SLC2A13: variants seen among roughly 807,000 people sequenced by gnomAD.
The protein encoded by SLC2A13 is solute carrier family 2 member 13.
In SLC2A13, 32 loss-of-function variants were observed where a neutral mutation model predicts 64.4. The observed-to-expected ratio is 0.50, with a 90% CI of 0.37 to 0.67. The LOEUF is 0.67. Ranked by LOEUF, SLC2A13 falls within the 30% of genes least tolerant of loss-of-function variation. The pLI is 0.00. For synonymous variants in SLC2A13, 338 were observed against 327.1 expected, an observed-to-expected ratio of 1.03 and a Z score of -0.36; for missense variants, 743 against 829.2, an observed-to-expected ratio of 0.90 and a Z score of 1.28.
At chr12:39,939,774 A>AT (rs1167225375) in intron 4 of SLC2A13, among the ~76,000 whole-genome samples, 1 of 152,164 alleles carries the variant, frequency 6.6e-6, no homozygotes, top group Non-Finnish European at 1.5e-5. Context: ...GGCCAAAACT[A>AT]TTTTTCTACA....
At position 40,072,716 on chromosome 12, in the gene SLC2A13, C is replaced by T. The variant is rs537972165; in HGVS notation, c.557-24506G>A. ...CCTATTTTCTTTTGATTAATGTTAG[C>T]ATGGCATATCTTTCCCATGCTTTTA... On this transcript the variant is annotated intron_variant, in intron 1 of 9. Coordinates refer to ENST00000280871, the MANE Select transcript of SLC2A13 (RefSeq NM_052885.4). 6.0e-4 allele frequency among the ~76,000 whole-genome samples: 91 copies of T among 152,152 alleles called. 1 individual carries two copies. The highest frequency in any genetic ancestry group is 2.0e-3 in the African/African-American group (85 of 41,542).
intron 6 of SLC2A13, among the ~76,000 whole-genome samples, chr12:39,854,006 T>C (rs1943537567): frequency 6.6e-6 from 1 of 152,070 alleles, no homozygotes; most frequent in Non-Finnish European, 1.5e-5. Context: ...AGCCCTTCAA[T>C]ATGAGGGGCT....
intron 6 of SLC2A13, among the ~76,000 whole-genome samples, chr12:39,839,018 T>C (rs1943105627): frequency 6.6e-6 from 1 of 152,102 alleles, no homozygotes; most frequent in Non-Finnish European, 1.5e-5. Context: ...CTGCAGGTAA[T>C]TGTGCTCACT....
chr12:40,102,016 G>A (rs1356795045), intron 1 of SLC2A13, among the ~76,000 whole-genome samples: 1 of 152,106 alleles, frequency 6.6e-6, no homozygotes, highest in Non-Finnish European at 1.5e-5. Flanking sequence ...TACATCATCT[G>A]CTGAACACCT....
intron 1 of SLC2A13, among the ~76,000 whole-genome samples, chr12:40,058,842 T>G (rs1426852890): frequency 6.6e-6 from 1 of 152,228 alleles, no homozygotes; most frequent in African/African-American, 2.4e-5. Flanking sequence ...CTACATTATA[T>G]GACAAACACT....
chr12:39,820,717 T>TTATATA (rs11272834), intron 7 of SLC2A13, among the ~76,000 whole-genome samples: 67 of 132,662 alleles, frequency 5.1e-4, no homozygotes, highest in South Asian at 8.0e-4. Context: ...ATTTTTAAAT[T>TTATATA]TATATATATA....
chr12:40,045,797 T>G (rs1948162162), intron 2 of SLC2A13, among the ~76,000 whole-genome samples: 1 of 152,200 alleles, frequency 6.6e-6, no homozygotes, highest in South Asian at 2.1e-4. Context: ...AATATATGTC[T>G]CCAGCTTCAG....
chr12:40,079,610 C>A (rs1938316391), intron 1 of SLC2A13, among the ~76,000 whole-genome samples: 1 of 152,134 alleles, frequency 6.6e-6, no homozygotes, highest in Admixed American at 6.5e-5. Context: ...GTATAGATGT[C>A]TTTTAGATCC....
chr12:39,831,198 A>C (rs1471857466), intron 6 of SLC2A13, among the ~76,000 whole-genome samples: 1 of 152,176 alleles, frequency 6.6e-6, no homozygotes, highest in Non-Finnish European at 1.5e-5. Context: ...GAACAACGAC[A>C]ATGTAATGGA....
intron 1 of SLC2A13, among the ~76,000 whole-genome samples, chr12:40,058,217 G>T (rs900574969): frequency 6.6e-6 from 1 of 151,980 alleles, no homozygotes; most frequent in African/African-American, 2.4e-5. Flanking sequence ...CAGGGTCTTC[G>T]ATGATAATCC....
At chr12:40,031,642 A>T (rs1029477204) in intron 2 of SLC2A13, among the ~76,000 whole-genome samples, 1 of 152,234 alleles carries the variant, frequency 6.6e-6, no homozygotes, top group African/African-American at 2.4e-5. Context: ...CACCTCCCTG[A>T]ACTCCTAACC....
chr12:39,924,528 C>A (rs531413282), intron 4 of SLC2A13, among the ~76,000 whole-genome samples: 2 of 147,474 alleles, frequency 1.4e-5, no homozygotes, highest in East Asian at 4.0e-4. Context: ...ACTAGCTTAT[C>A]TAAAATAGAC....
chr12:39,870,742 A>G (rs1243770112), intron 5 of SLC2A13, among the ~76,000 whole-genome samples: 1 of 152,160 alleles, frequency 6.6e-6, no homozygotes, highest in African/African-American at 2.4e-5. Flanking sequence ...ACTGCAGTTC[A>G]GCACACATTA....
chr12:39,922,735 CTT>C (rs760077229), intron 4 of SLC2A13, among the ~76,000 whole-genome samples: 1 of 152,066 alleles, frequency 6.6e-6, no homozygotes, highest in South Asian at 2.1e-4. Flanking sequence ...CATTGCCAAA[CTT>C]TTTTCTCTAG....
At chr12:39,871,465 T>C (rs1397897612) in intron 5 of SLC2A13, among the ~76,000 whole-genome samples, 3 of 146,270 alleles carry the variant, frequency 2.1e-5, no homozygotes, top group African/African-American at 7.7e-5. Context: ...CCAAAGTTTT[T>C]AGTTTTTCAA....
At chr12:40,040,617 C>T (rs1024580756) in intron 2 of SLC2A13, among the ~76,000 whole-genome samples, 9 of 152,156 alleles carry the variant, frequency 5.9e-5, no homozygotes, top group African/African-American at 2.2e-4. Flanking sequence ...GTCTCGAACT[C>T]CTGACCTCAG....
At chr12:39,805,597 C>G (rs983390362) in intron 7 of SLC2A13, among the ~76,000 whole-genome samples, 4 of 151,902 alleles carry the variant, frequency 2.6e-5, no homozygotes, top group African/African-American at 9.7e-5. Flanking sequence ...TTAAAACATG[C>G]TACAGTATTT....
intron 3 of SLC2A13, among the ~76,000 whole-genome samples, chr12:39,994,161 G>T (rs1258787435): frequency 6.6e-6 from 1 of 151,880 alleles, no homozygotes; most frequent in African/African-American, 2.4e-5. Context: ...AGGCTGAGGT[G>T]GACGGATCAC....
chr12:39,797,512 C>T (rs1456945881), intron 7 of SLC2A13, among the ~76,000 whole-genome samples: 1 of 152,032 alleles, frequency 6.6e-6, no homozygotes, highest in Non-Finnish European at 1.5e-5. Flanking sequence ...GGAGCTAATC[C>T]AATAACCCAT....
Sources: allele counts gnomAD v4.1 joint callset (sites outside exome capture counted in the v4.1 genomes callset), GRCh38; gene constraint gnomAD v4.1.1; transcripts MANE v1.5; gene names NCBI Gene and HGNC (gene_info 2026-07-23, HGNC 2026-07-21).